The following CACNA2D3 variants were observed in gnomAD, a reference collection of about 807,000 sequenced individuals.
CACNA2D3 encodes the protein voltage-dependent calcium channel subunit alpha-2/delta-3.
In CACNA2D3, 60 loss-of-function variants were observed where a neutral mutation model predicts 160.6. The observed-to-expected ratio is 0.37, with a 90% CI of 0.30 to 0.46. The LOEUF is 0.46. CACNA2D3 is among the 20% of genes least tolerant of loss of function. CACNA2D3 has a pLI of 1.00. For missense variants in CACNA2D3, 1,205 were observed against 1,365.0 expected, an observed-to-expected ratio of 0.88 and a Z score of 1.85; for synonymous variants, 558 against 492.9, an observed-to-expected ratio of 1.13 and a Z score of -1.75.
In CACNA2D3 at chr3:54,260,544, C is replaced by G. The variant is rs541545450; in HGVS notation, c.205-59898C>G. On this transcript the variant is annotated intron_variant, in intron 2 of 37. Coordinates refer to ENST00000474759, the MANE Select transcript of CACNA2D3 (RefSeq NM_018398.3). ...CCCGTCTTGATGACCTTATCTAATC[C>G]TAATTACTTCTCAAAGGTTTTACCT... 1.2e-3 allele frequency among the ~76,000 whole-genome samples: 180 copies of G among 152,146 alleles called. 1 individual carries two copies. The highest frequency in any genetic ancestry group is 4.0e-3 in the African/African-American group (164 of 41,484).
At chr3:54,473,629 A>G (rs761124045) in intron 4 of CACNA2D3, among the ~76,000 whole-genome samples, 5 of 152,226 alleles carry the variant, frequency 3.3e-5, no homozygotes, top group Non-Finnish European at 7.3e-5. Context: ...TTTGTAATGT[A>G]TCCATCTGAC....
In CACNA2D3 at chr3:54,610,790, C is replaced by T. The variant is rs138275357; in HGVS notation, c.964-16997C>T. ...TATTACAGACATCCGCCACCATGCC[C>T]GGCTAATTTTGTATTGTTGGTAGAG... On this transcript the variant is annotated intron_variant, in intron 9 of 37. Transcript: ENST00000474759. Among the ~76,000 whole-genome samples the T allele has an allele frequency of 9.9e-3, 1,502 of 152,132 alleles. 15 individuals are homozygous for T. The highest frequency in any genetic ancestry group is 0.044 in the Middle Eastern group (13 of 294).
At chr3:54,127,235 G>A (rs543166182) in intron 2 of CACNA2D3, among the ~76,000 whole-genome samples, 4 of 152,310 alleles carry the variant, frequency 2.6e-5, no homozygotes, top group Non-Finnish European at 4.4e-5. Flanking sequence ...TGCCAGTAAC[G>A]CTGGAACAGA....
At chr3:54,600,168 G>A (rs910563454) in intron 9 of CACNA2D3, among the ~76,000 whole-genome samples, 1 of 152,184 alleles carries the variant, frequency 6.6e-6, no homozygotes, top group African/African-American at 2.4e-5. Flanking sequence ...TGGGGGAGAT[G>A]AAATGGCTTG....
At chr3:54,420,654 A>G (rs1165282065) in intron 4 of CACNA2D3, among the ~76,000 whole-genome samples, 1 of 152,194 alleles carries the variant, frequency 6.6e-6, no homozygotes, top group African/African-American at 2.4e-5. Context: ...TGACCATCAA[A>G]TTGAATCCTC....
At chr3:54,828,382 G>A (rs571668516) in intron 14 of CACNA2D3, among the ~76,000 whole-genome samples, 3 of 152,104 alleles carry the variant, frequency 2.0e-5, no homozygotes, top group South Asian at 2.1e-4. Context: ...CCAACAAAGC[G>A]GTTTCCAAGA....
intron 5 of CACNA2D3, among the ~76,000 whole-genome samples, chr3:54,562,233 A>G (rs927515511): frequency 8.5e-5 from 13 of 152,220 alleles, no homozygotes; most frequent in Non-Finnish European, 1.5e-4. Context: ...GAAGACCAAG[A>G]GGCAGTCTGT....
chr3:54,585,569 A>G (rs1702746378), intron 9 of CACNA2D3, among the ~76,000 whole-genome samples: 1 of 152,214 alleles, frequency 6.6e-6, no homozygotes, highest in Non-Finnish European at 1.5e-5. Context: ...AAGAGGTTTA[A>G]TGGACCCAAG....
intron 2 of CACNA2D3, among the ~76,000 whole-genome samples, chr3:54,234,737 T>C (rs1445966263): frequency 4.8e-4 from 73 of 152,162 alleles, no homozygotes; most frequent in Non-Finnish European, 2.4e-4. Context: ...AGGTTATTAG[T>C]CTTAGCAAAC....
chr3:54,521,089 G>C (rs1701640141), intron 5 of CACNA2D3, among the ~76,000 whole-genome samples: 2 of 152,034 alleles, frequency 1.3e-5, no homozygotes, highest in Admixed American at 1.3e-4. Flanking sequence ...TTTTTCTGTG[G>C]ATACATGTTT....
intron 20 of CACNA2D3, among the ~76,000 whole-genome samples, chr3:54,880,528 C>T (rs1358366230): frequency 2.6e-5 from 4 of 152,108 alleles, no homozygotes; most frequent in Admixed American, 2.6e-4. Flanking sequence ...GCTGGAAGGG[C>T]GAGCAGTTTG....
chr3:54,760,711 C>T (rs1324254584), intron 12 of CACNA2D3, among the ~76,000 whole-genome samples: 1 of 151,638 alleles, frequency 6.6e-6, no homozygotes, highest in Non-Finnish European at 1.5e-5. Flanking sequence ...AGAGATAGGA[C>T]CAGAAGAACA....
intron 5 of CACNA2D3, among the ~76,000 whole-genome samples, chr3:54,506,237 G>A (rs1294534230): frequency 6.6e-6 from 1 of 152,112 alleles, no homozygotes; most frequent in East Asian, 1.9e-4. Context: ...CTCCAGCTCA[G>A]ATCTAGTTAT....
At chr3:54,737,719 C>T (rs1049491804) in intron 11 of CACNA2D3, among the ~76,000 whole-genome samples, 59 of 152,286 alleles carry the variant, frequency 3.9e-4, no homozygotes, top group African/African-American at 1.4e-3. Flanking sequence ...GGGTGGAGTG[C>T]AGTGGCGAAA....
At chr3:54,325,163 G>A (rs1704096361) in intron 3 of CACNA2D3, among the ~76,000 whole-genome samples, 1 of 152,142 alleles carries the variant, frequency 6.6e-6, no homozygotes, top group African/African-American at 2.4e-5. Context: ...GGAACTCTGA[G>A]CAGGCACAGC....
rs1177245013 is a variant in CACNA2D3 at position 54,916,523 on chromosome 3, A to T, written c.2449+16655A>T. Among the ~76,000 whole-genome samples the T allele has an allele frequency of 2.0e-5, 3 of 152,302 alleles. No homozygotes were observed. The East Asian group carries it at 5.8e-4, about 29-fold the overall frequency. On this transcript the variant is annotated intron_variant, in intron 27 of 37. Coordinates refer to ENST00000474759, the MANE Select transcript of CACNA2D3 (RefSeq NM_018398.3). ...TTTCGATATTCAGAAAAAAATTACC[A>T]TCGAAATTTAAACTTTGTCCCCTAG...
At chr3:54,488,082 G>A (rs2106914029) in intron 4 of CACNA2D3, among the ~76,000 whole-genome samples, 1 of 152,294 alleles carries the variant, frequency 6.6e-6, no homozygotes, top group Admixed American at 6.5e-5. Flanking sequence ...AACAGTAAAT[G>A]CAAACATTCT....
At chr3:54,681,628 A>C (rs1220098394) in intron 11 of CACNA2D3, among the ~76,000 whole-genome samples, 3 of 152,092 alleles carry the variant, frequency 2.0e-5, no homozygotes. Flanking sequence ...GGAAGATAGA[A>C]GGTTGGATCT....
intron 31 of CACNA2D3, among the ~76,000 whole-genome samples, chr3:55,000,183 TATC>T (rs1466596102): frequency 6.6e-6 from 1 of 152,212 alleles, no homozygotes; most frequent in Admixed American, 6.5e-5. Flanking sequence ...AGCAGGCAAT[TATC>T]ATGTTCTTTA....
Sources: allele counts gnomAD v4.1 joint callset (sites outside exome capture counted in the v4.1 genomes callset), GRCh38; gene constraint gnomAD v4.1.1; transcripts MANE v1.5; gene names NCBI Gene and HGNC (gene_info 2026-07-23, HGNC 2026-07-21).